The following DLG2 variants were observed in gnomAD, a reference collection of about 807,000 sequenced individuals.
DLG2 encodes the protein disks large homolog 2.
A neutral mutation model predicts 132.5 loss-of-function variants in DLG2; 45 were observed. That is an observed-to-expected ratio of 0.34 (90% CI 0.27 to 0.44). DLG2 has a LOEUF of 0.44. Among genes scored for constraint, DLG2 ranks in the 20% least tolerant of loss-of-function variants. DLG2 has a pLI of 1.00. For synonymous variants in DLG2, 424 were observed against 419.6 expected (o/e 1.01, Z -0.13); for missense variants, 1,045 against 1,196.9 (o/e 0.87, Z 1.87).
chr11:84,868,158 ATAT>A (rs1007236413), intron 6 of DLG2, among the ~76,000 whole-genome samples: 6 of 147,408 alleles, frequency 4.1e-5, no homozygotes, highest in South Asian at 4.2e-4. Flanking sequence ...ATTTATTAAT[ATAT>A]TATATTATTA....
intron 10 of DLG2, among the ~76,000 whole-genome samples, chr11:84,071,483 G>A (rs888455403): frequency 2.0e-5 from 3 of 151,982 alleles, no homozygotes; most frequent in East Asian, 3.9e-4. Context: ...ATAGCTCAGC[G>A]CAGCCTTGAA....
At chr11:85,466,029 T>G (rs926047445) in intron 3 of DLG2, among the ~76,000 whole-genome samples, 2 of 152,170 alleles carry the variant, frequency 1.3e-5, no homozygotes, top group Non-Finnish European at 2.9e-5. Context: ...CTCATTGTGG[T>G]TTTGATTTGC....
intron 19 of DLG2, among the ~76,000 whole-genome samples, chr11:83,586,185 T>C (rs7129097): frequency 0.019 from 2,833 of 152,320 alleles, 109 homozygotes; most frequent in African/African-American, 0.065. Context: ...GGCATGGGCA[T>C]TGCCCAGGTC....
At chr11:85,552,544 A>C (rs556342928) in intron 3 of DLG2, among the ~76,000 whole-genome samples, 1 of 151,370 alleles carries the variant, frequency 6.6e-6, no homozygotes, top group Non-Finnish European at 1.5e-5. Flanking sequence ...GATATTATTT[A>C]AAAAATAAAA....
chr11:83,712,432 C>T (rs925526752), intron 18 of DLG2, among the ~76,000 whole-genome samples: 1 of 151,924 alleles, frequency 6.6e-6, no homozygotes, highest in African/African-American at 2.4e-5. Context: ...AGTTTGAGAC[C>T]AGCCTAACCA....
At position 83,471,801 on chromosome 11, in the gene DLG2, G is replaced by C. The variant is rs988576328; in HGVS notation, c.2345-74C>G. On this transcript the variant is annotated intron_variant, in intron 23 of 27. Transcript: ENST00000376104. ...AACTGCAAAACTGTCCTGCAAGGGT[G>C]ATTCTTAATTGCCAGACAGTAAGAG... is the stretch of plus-strand genomic sequence containing the variant. 2.8e-5 allele frequency: 34 copies of C among 1,216,516 alleles called. No homozygotes were observed. In the African/African-American group the frequency reaches 4.7e-4, roughly 17 times the overall value. 75.4% of individuals were successfully genotyped at this position (1,216,516 alleles called of 1,614,324 possible).
chr11:83,881,641 A>G lies in DLG2; in HGVS notation c.1497-7153T>C, dbSNP rs377758478. Among the ~76,000 whole-genome samples the G allele has an allele frequency of 9.8e-5, 15 of 152,296 alleles. No individual in the cohort carries two copies. In the South Asian group the frequency reaches 3.1e-3, roughly 32 times the overall value. On this transcript the variant is annotated intron_variant, in intron 15 of 27. Transcript: ENST00000376104. Reference sequence around the variant, plus strand: ...GTTGCGCTGTTGAGCTCTCTTAAGCAGCATCCTTTTAATAGACTAACCAAT... The same window carrying G: ...GTTGCGCTGTTGAGCTCTCTTAAGCGGCATCCTTTTAATAGACTAACCAAT...
intron 6 of DLG2, among the ~76,000 whole-genome samples, chr11:84,880,177 C>T (rs1218338983): frequency 6.6e-6 from 1 of 152,012 alleles, no homozygotes; most frequent in African/African-American, 2.4e-5. Context: ...AAGAAATCAC[C>T]ATGAGGATGC....
chr11:84,687,436 T>C (rs950169245), intron 6 of DLG2, among the ~76,000 whole-genome samples: 1 of 152,192 alleles, frequency 6.6e-6, no homozygotes. Context: ...ACCTTAACTG[T>C]AGTCACCTAG....
chr11:84,132,526 T>A (rs752304484), intron 9 of DLG2, among the ~76,000 whole-genome samples: 15 of 151,906 alleles, frequency 9.9e-5, no homozygotes, highest in Non-Finnish European at 5.9e-5. Flanking sequence ...CTGAAAAAAC[T>A]CTGTCACTGA....
intron 18 of DLG2, among the ~76,000 whole-genome samples, chr11:83,754,691 G>A (rs1178389033): frequency 6.6e-6 from 1 of 151,258 alleles, no homozygotes; most frequent in Non-Finnish European, 1.5e-5. Flanking sequence ...TGTGATTGCT[G>A]AAGCTTGTCA....
rs544393545 is a variant in DLG2 at position 84,865,979 on chromosome 11, C to A, written c.357+245682G>T. ...GCTACAGGCTGCAGCAGCTGCCTGC[C>A]CACTTTCTCAGCAGCAAGAAATATG... On this transcript the variant is annotated intron_variant, in intron 6 of 27. Transcript: ENST00000376104. Among the ~76,000 whole-genome samples the A allele has an allele frequency of 2.0e-5, 3 of 152,332 alleles. No homozygotes were observed. The South Asian group carries it at 6.2e-4, about 32-fold the overall frequency.
At chr11:85,171,695 G>A (rs907754532) in intron 4 of DLG2, among the ~76,000 whole-genome samples, 5 of 152,186 alleles carry the variant, frequency 3.3e-5, no homozygotes, top group Non-Finnish European at 7.3e-5. Context: ...CAGCAGGCTG[G>A]AGACTGCCTG....
chr11:84,391,279 C>G (rs1444792388), intron 7 of DLG2, among the ~76,000 whole-genome samples: 1 of 152,034 alleles, frequency 6.6e-6, no homozygotes, highest in Non-Finnish European at 1.5e-5. Context: ...AAAATGCAGA[C>G]AAGTATGTAC....
intron 7 of DLG2, among the ~76,000 whole-genome samples, chr11:84,342,220 A>G (rs935374341): frequency 9.9e-5 from 15 of 152,190 alleles, no homozygotes; most frequent in Admixed American, 2.6e-4. Flanking sequence ...ATCACTAACA[A>G]TCAGACTCTA....
At chr11:83,994,683 A>G (rs1355381176) in intron 11 of DLG2, among the ~76,000 whole-genome samples, 2 of 152,176 alleles carry the variant, frequency 1.3e-5, no homozygotes, top group African/African-American at 4.8e-5. Context: ...ACAACACTCA[A>G]TTCCAGGCTA....
intron 3 of DLG2, among the ~76,000 whole-genome samples, chr11:85,470,271 A>G (rs1240323595): frequency 6.6e-6 from 1 of 152,104 alleles, no homozygotes; most frequent in East Asian, 1.9e-4. Context: ...AACAAAAACA[A>G]AAAACCCTGG....
intron 7 of DLG2, among the ~76,000 whole-genome samples, chr11:84,392,743 C>T (rs574922431): frequency 6.6e-6 from 1 of 152,112 alleles, no homozygotes; most frequent in African/African-American, 2.4e-5. Flanking sequence ...ACATCTTGTC[C>T]AAGTTTTTGT....
chr11:85,508,204 T>C (rs1276505551), intron 3 of DLG2, among the ~76,000 whole-genome samples: 1 of 152,134 alleles, frequency 6.6e-6, no homozygotes, highest in African/African-American at 2.4e-5. Context: ...GAAGCTTACT[T>C]ATGTCAACTC....
Sources: allele counts gnomAD v4.1 joint callset (sites outside exome capture counted in the v4.1 genomes callset), GRCh38; gene constraint gnomAD v4.1.1; transcripts MANE v1.5; gene names NCBI Gene and HGNC (gene_info 2026-07-23, HGNC 2026-07-21).